The following PIBF1 variants were observed in gnomAD, a reference collection of about 807,000 sequenced individuals.
The protein encoded by PIBF1 is progesterone immunomodulatory binding factor 1, also known as progesterone-induced-blocking factor 1.
A neutral mutation model predicts 112.5 loss-of-function variants in PIBF1; 90 were observed. The ratio of observed to expected loss-of-function variants is 0.80; its 90% CI spans 0.67 to 0.95. PIBF1 has a LOEUF of 0.95. Ranked by LOEUF, PIBF1 falls within the 40% of genes least tolerant of loss-of-function variation. The pLI is 0.00. For missense variants in PIBF1, 915 were observed against 852.3 expected, an observed-to-expected ratio of 1.07 and a Z score of -0.92; for synonymous variants, 301 against 288.6, an observed-to-expected ratio of 1.04 and a Z score of -0.44.
At chr13:72,927,230 G>A (rs2138741227) in intron 13 of PIBF1, among the ~76,000 whole-genome samples, 1 of 152,146 alleles carries the variant, frequency 6.6e-6, no homozygotes, top group African/African-American at 2.4e-5. Context: ...CACTGTCCGG[G>A]CGTGGTGGCT....
intron 2 of PIBF1, among the ~76,000 whole-genome samples, 162 bp downstream of exon 2, chr13:72,783,883 T>C (rs2034444987): frequency 6.6e-6 from 1 of 151,832 alleles, no homozygotes; most frequent in Admixed American, 6.6e-5. Context: ...AAGTAGAGAA[T>C]AGAATGGTGG....
chr13:72,847,075 TTC>T (rs2037909478), intron 9 of PIBF1, among the ~76,000 whole-genome samples: 1 of 152,246 alleles, frequency 6.6e-6, no homozygotes, highest in Non-Finnish European at 1.5e-5. Flanking sequence ...ACCAGATTCA[TTC>T]TGTTTCATTT....
At chr13:72,796,513 C>T (rs1402054983) in intron 4 of PIBF1, among the ~76,000 whole-genome samples, 1 of 152,056 alleles carries the variant, frequency 6.6e-6, no homozygotes, top group Non-Finnish European at 1.5e-5. Flanking sequence ...GAGCATAGTG[C>T]TTAGAAGATA....
intron 15 of PIBF1, among the ~76,000 whole-genome samples, chr13:72,970,053 A>T (rs974497523): frequency 3.9e-5 from 6 of 152,210 alleles, no homozygotes; most frequent in Middle Eastern, 3.4e-3. Flanking sequence ...TTTCTAATTC[A>T]ATAAAAACTC....
At chr13:72,844,127 G>T (rs2037731485) in intron 9 of PIBF1, among the ~76,000 whole-genome samples, 1 of 152,080 alleles carries the variant, frequency 6.6e-6, no homozygotes. Context: ...TGAAGTTTAG[G>T]TATTAATAAC....
chr13:72,866,779 T>A (rs1428207836), intron 10 of PIBF1, among the ~76,000 whole-genome samples: 2 of 152,192 alleles, frequency 1.3e-5, no homozygotes, highest in Non-Finnish European at 2.9e-5. Context: ...GGGATGCTCT[T>A]ATAATGACTA....
At chr13:72,858,235 A>G (rs2038533316) in intron 10 of PIBF1, among the ~76,000 whole-genome samples, 1 of 152,040 alleles carries the variant, frequency 6.6e-6, no homozygotes, top group Admixed American at 6.6e-5. Context: ...TATTTTTAGT[A>G]AAGATGGGGT....
At chr13:72,813,840 G>A (rs979681240) in intron 5 of PIBF1, among the ~76,000 whole-genome samples, 2 of 111,396 alleles carry the variant, frequency 1.8e-5, no homozygotes, top group Non-Finnish European at 3.6e-5. Flanking sequence ...GATAGAGACC[G>A]TCTTGGAGAT....
At chr13:73,011,377 C>A (rs1425347817) in intron 17 of PIBF1, among the ~76,000 whole-genome samples, 3 of 152,148 alleles carry the variant, frequency 2.0e-5, no homozygotes, top group Non-Finnish European at 4.4e-5. Context: ...GAAGCTTGAC[C>A]TAGTTCTTAC....
chr13:72,816,676 T>G (rs2036288385), intron 5 of PIBF1, among the ~76,000 whole-genome samples: 3 of 151,110 alleles, frequency 2.0e-5, no homozygotes, highest in Admixed American at 2.0e-4. Context: ...AAAAAAAAAT[T>G]ACTGAGTTAT....
chr13:72,931,046 CT>C, intron 13 of PIBF1, 118 bp from the exon 14 acceptor site: 3 of 634,496 alleles, frequency 4.7e-6, no homozygotes, highest in Non-Finnish European at 8.3e-6. Flanking sequence ...TATATTTTTT[CT>C]GTTAATATTT....
chr13:73,015,913 G>A lies in PIBF1; in HGVS notation c.2268G>A (p.Lys756=). The part of the protein sequence containing the change: ...APEWSKKQKM[K]T ...AGTGGTCTAAGAAACAAAAGATGAA[G>A]ACCTAGTGTTTTGGATGGGAAGCAC... Residue 756 remains lysine, a synonymous_variant, in exon 18 of 18, where the codon AAG becomes AAA. Transcript: ENST00000326291. 1 of 1,586,126 alleles carries A rather than the reference G, an allele frequency of 6.3e-7. No individual in the cohort carries two copies. Among genetic ancestry groups the A allele is most frequent in the Non-Finnish European group, 8.6e-7 (1 of 1,164,556 alleles).
At chr13:72,873,405 T>TC (rs2039247391) in intron 10 of PIBF1, among the ~76,000 whole-genome samples, 1 of 152,098 alleles carries the variant, frequency 6.6e-6, no homozygotes, top group African/African-American at 2.4e-5. Context: ...AAACTTGTTT[T>TC]CTTTTTTTTT....
Position 72,816,388 on chromosome 13 carries a change from A to C in PIBF1, c.673-5461A>C, listed in dbSNP as rs144481747. On this transcript the variant is annotated intron_variant, in intron 5 of 17. Coordinates refer to ENST00000326291, the MANE Select transcript of PIBF1 (RefSeq NM_006346.4). The stretch of plus-strand genomic sequence containing the variant: ...CTGGGCATAGTGGCTCACGCCTGTA[A>C]TCCCACTTTGGGAGGCTATAATCGC... 8.7e-3 allele frequency among the ~76,000 whole-genome samples: 1,320 copies of C among 152,234 alleles called. 67 individuals carry two copies. Among genetic ancestry groups the C allele is most frequent in the East Asian group, 9.5e-3 (49 of 5,176 alleles).
chr13:72,894,818 T>C (rs988206413), intron 11 of PIBF1, among the ~76,000 whole-genome samples: 45 of 149,012 alleles, frequency 3.0e-4, no homozygotes, highest in African/African-American at 1.1e-3. Context: ...GCTATAAAGG[T>C]ATTAGAAGTA....
intron 5 of PIBF1, among the ~76,000 whole-genome samples, chr13:72,800,264 G>T (rs745816341): frequency 6.6e-6 from 1 of 152,186 alleles, no homozygotes; most frequent in Non-Finnish European, 1.5e-5. Context: ...TGGAACTCCT[G>T]GCCTCAAGAG....
chr13:72,808,210 G>T (rs1421742265), intron 5 of PIBF1, among the ~76,000 whole-genome samples: 2 of 152,048 alleles, frequency 1.3e-5, no homozygotes, highest in African/African-American at 2.4e-5. Context: ...TTTCAGTTTG[G>T]TTATTTATTA....
intron 11 of PIBF1, among the ~76,000 whole-genome samples, chr13:72,899,382 C>G (rs894948766): frequency 1.3e-5 from 2 of 152,180 alleles, no homozygotes; most frequent in Non-Finnish European, 2.9e-5. Flanking sequence ...TAACAAAATA[C>G]TAGCTAACCA....
At chr13:72,890,980 G>A (rs529558675) in intron 10 of PIBF1, among the ~76,000 whole-genome samples, 66 of 152,142 alleles carry the variant, frequency 4.3e-4, no homozygotes, top group Non-Finnish European at 1.5e-4. Context: ...ATTTTACAAA[G>A]CTTCAGTTTA....
Sources: allele counts gnomAD v4.1 joint callset (sites outside exome capture counted in the v4.1 genomes callset), GRCh38; gene constraint gnomAD v4.1.1; transcripts MANE v1.5; gene names NCBI Gene and HGNC (gene_info 2026-07-23, HGNC 2026-07-21).